The following RICTOR variants were observed in gnomAD, a reference collection of about 807,000 sequenced individuals.
RICTOR encodes rapamycin-insensitive companion of mTOR.
In RICTOR, 49 loss-of-function variants were observed where a neutral mutation model predicts 214.9. That is an observed-to-expected ratio of 0.23 (90% CI 0.18 to 0.29). The LOEUF (loss-of-function observed/expected upper bound fraction) is 0.29. RICTOR is among the 10% of genes least tolerant of loss of function. The pLI is 1.00. For missense variants in RICTOR, 1,625 were observed against 2,047.0 expected (o/e 0.79, Z 3.98); for synonymous variants, 717 against 711.3 (o/e 1.01, Z -0.13).
intron 2 of RICTOR, among the ~76,000 whole-genome samples, chr5:39,072,650 T>C (rs1580246282): frequency 6.6e-6 from 1 of 152,232 alleles, no homozygotes; most frequent in Non-Finnish European, 1.5e-5. Context: ...TTTATATAGA[T>C]TTTTCACATG....
chr5:38,964,670 A>C, intron 16 of RICTOR, 122 bp downstream of exon 16: 1 of 479,958 alleles, frequency 2.1e-6, no homozygotes, highest in Non-Finnish European at 3.6e-6. Context: ...CCTTTAGCAA[A>C]TTCCTTAAAA....
At chr5:39,044,901 G>C (rs1279081489) in intron 2 of RICTOR, among the ~76,000 whole-genome samples, 1 of 152,114 alleles carries the variant, frequency 6.6e-6, no homozygotes, top group Non-Finnish European at 1.5e-5. Context: ...AAGAACTAAA[G>C]CCTAACCATT....
At position 38,967,240 on chromosome 5, in the gene RICTOR, G is replaced by A. The variant is rs1436889847; in HGVS notation, c.1152-13C>T. 9.3e-6 allele frequency: 15 copies of A among 1,609,818 alleles called. No homozygotes were observed. The highest frequency in any genetic ancestry group is 1.3e-5 in the Non-Finnish European group (15 of 1,176,206). ...CATGAGGTCTGGCCTGGAAAAAACA[G>A]CACAGAAACAATTTAAATAAAGTTT... On this transcript the variant is annotated splice_polypyrimidine_tract_variant and intron_variant, in intron 13 of 37. Coordinates refer to ENST00000357387, the MANE Select transcript of RICTOR (RefSeq NM_152756.5).
intron 6 of RICTOR, among the ~76,000 whole-genome samples, chr5:38,993,362 A>G (rs185596038): frequency 4.6e-5 from 7 of 152,328 alleles, no homozygotes; most frequent in Admixed American, 2.6e-4. Flanking sequence ...TAGAATTTAA[A>G]TAAGATTAAG....
intron 3 of RICTOR, among the ~76,000 whole-genome samples, chr5:39,010,055 G>A (rs1754381137): frequency 6.6e-6 from 1 of 152,122 alleles, no homozygotes; most frequent in South Asian, 2.1e-4. Context: ...CACGTGTCAA[G>A]GGCAGGACCA....
chr5:38,990,687 A>G, intron 7 of RICTOR, among the ~76,000 whole-genome samples: 1 of 74,122 alleles, frequency 1.3e-5, no homozygotes, highest in Admixed American at 1.6e-4. Context: ...GATATATCAT[A>G]TATATGATAT....
intron 2 of RICTOR, among the ~76,000 whole-genome samples, chr5:39,059,933 T>C (rs1758430398): frequency 6.6e-6 from 1 of 152,122 alleles, no homozygotes; most frequent in South Asian, 2.1e-4. Flanking sequence ...AAAGGCAACT[T>C]GTCCAGCAGA....
chr5:38,955,615 A>G lies in RICTOR; in HGVS notation c.2589T>C (p.Tyr863=), dbSNP rs1443605726. 3.1e-6 allele frequency: 5 copies of G among 1,600,064 alleles called. No individual in the cohort carries two copies. The highest frequency in any genetic ancestry group is 1.7e-5 in the Admixed American group (1 of 59,920). The change falls in exon 26 of 38, where the codon TAT becomes TAC. Residue 863 remains tyrosine (Y), a synonymous_variant. Coordinates refer to ENST00000357387, the MANE Select transcript of RICTOR (RefSeq NM_152756.5). ...CGCACCTTTGGTTACTCCGACGAAC[A>G]TAGTTATCACCATCAACAGGCTTCC... ...TYRKPVDGDN[Y]VRRSNQRLQR... is the part of the protein sequence containing the mutation.
intron 2 of RICTOR, among the ~76,000 whole-genome samples, chr5:39,065,419 G>C (rs763603986): frequency 1.3e-5 from 2 of 152,046 alleles, no homozygotes; most frequent in African/African-American, 4.8e-5. Flanking sequence ...CATGAGATTC[G>C]GGTGGGGACA....
intron 2 of RICTOR, among the ~76,000 whole-genome samples, chr5:39,034,449 G>A (rs1296736946): frequency 6.6e-6 from 1 of 152,244 alleles, no homozygotes; most frequent in Non-Finnish European, 1.5e-5. Flanking sequence ...ATCTCACTGG[G>A]GAGTGCCGGA....
At chr5:38,947,605 A>G (rs1748348701) in intron 31 of RICTOR, among the ~76,000 whole-genome samples, 164 bp from the exon 32 acceptor site, 1 of 152,158 alleles carries the variant, frequency 6.6e-6, no homozygotes. Flanking sequence ...TTAAAATATT[A>G]GCTGTTATAG....
At chr5:38,943,200 T>C (rs1324534251) in intron 36 of RICTOR, 10 of 394,934 alleles carry the variant, frequency 2.5e-5, no homozygotes, top group African/African-American at 1.6e-4. Flanking sequence ...TGAATACTTC[T>C]TGTAAAATTG....
At chr5:38,945,774 A>C in intron 33 of RICTOR, 50 bp from the exon 34 acceptor site, 2 of 947,432 alleles carry the variant, frequency 2.1e-6, no homozygotes, top group Non-Finnish European at 3.2e-6. Flanking sequence ...AATACTTTTC[A>C]AGGTACCTTA....
At chr5:39,073,968 C>T in intron 2 of RICTOR, 143 bp downstream of exon 2, 1 of 331,188 alleles carries the variant, frequency 3.0e-6, no homozygotes, top group Non-Finnish European at 4.6e-6. Flanking sequence ...TCGGTTCCCG[C>T]GGGCCGGCAG....
At position 38,975,856 on chromosome 5, in the gene RICTOR, G is replaced by A. The variant is rs1751189377; in HGVS notation, c.822-252C>T. On this transcript the variant is annotated intron_variant, in intron 9 of 37. Coordinates refer to ENST00000357387, the MANE Select transcript of RICTOR (RefSeq NM_152756.5). ...ACTCAGTTCTATATTCCTGCTCCCT[G>A]AAAACTATTCTTAGATAAGATTTAA... is the stretch of plus-strand genomic sequence containing the variant. 2.6e-5 allele frequency among the ~76,000 whole-genome samples: 4 copies of A among 152,140 alleles called. No homozygotes were observed. The South Asian group carries it at 8.3e-4, about 31-fold the overall frequency.
rs1747227030 is a variant in RICTOR at position 38,938,740 on chromosome 5, C to T, written c.*3564G>A. 4.3e-6 allele frequency: 1 copy of T among 232,736 alleles called. No homozygotes were observed. The highest frequency in any genetic ancestry group is 8.5e-6 in the Non-Finnish European group (1 of 117,664). The allele number at this position is 232,736 out of a possible 1,614,324, so 14.4% of individuals were successfully genotyped here. ...CTTTGATAAGCACTGCTATTAATTT[C>T]ACTGGTATGCTTTTAAATGAGATTC... On this transcript the variant is annotated 3_prime_UTR_variant, in exon 38 of 38. Transcript: ENST00000357387.
intron 2 of RICTOR, among the ~76,000 whole-genome samples, chr5:39,041,870 G>A (rs1233185126): frequency 6.8e-6 from 1 of 146,724 alleles, no homozygotes; most frequent in Non-Finnish European, 1.5e-5. Flanking sequence ...CAGCCTGGGA[G>A]TTCAAGGATG....
In RICTOR at chr5:38,946,562, GA is replaced by G. The variant is rs1214400540; in HGVS notation, c.4315-11del. The G allele has an allele frequency of 2.6e-6, 4 of 1,530,350 alleles. No homozygotes were observed. The highest frequency in any genetic ancestry group is 3.3e-5 in the Admixed American group (2 of 59,772). The allele number at this position is 1,530,350 out of a possible 1,614,324, so 94.8% of individuals were successfully genotyped here. ...AGGGAATATCCTTTACCTAAAAAAAGATATAAACCATGGTAAGTCCTGCTAT... is the reference window on the plus strand; with the variant it reads ...AGGGAATATCCTTTACCTAAAAAAAGTATAAACCATGGTAAGTCCTGCTAT... On this transcript the variant is annotated splice_polypyrimidine_tract_variant and intron_variant, in intron 32 of 37. Coordinates refer to ENST00000357387, the MANE Select transcript of RICTOR (RefSeq NM_152756.5).
intron 2 of RICTOR, among the ~76,000 whole-genome samples, chr5:39,036,118 T>C (rs1756671660): frequency 6.6e-6 from 1 of 152,192 alleles, no homozygotes; most frequent in Non-Finnish European, 1.5e-5. Flanking sequence ...AGCGGATCTC[T>C]CCGCAGAAAC....
Sources: gnomAD v4.1 joint callset for allele counts (sites outside exome capture counted in the v4.1 genomes callset) on GRCh38, gnomAD v4.1.1 for gene constraint, MANE v1.5 for transcripts, NCBI Gene and HGNC (gene_info 2026-07-23, HGNC 2026-07-21) for gene names.